The following MACROD2 variants were observed in gnomAD, a reference collection of about 807,000 sequenced individuals.
The protein encoded by MACROD2 is ADP-ribose glycohydrolase MACROD2.
In MACROD2, 36 loss-of-function variants were observed where a neutral mutation model predicts 70.4. The ratio of observed to expected loss-of-function variants is 0.51; its 90% CI spans 0.39 to 0.68. MACROD2 has a LOEUF of 0.68. MACROD2 is among the 30% of genes least tolerant of loss of function. The pLI is 0.00. For synonymous variants in MACROD2, 172 were observed against 178.8 expected (o/e 0.96, Z 0.30); for missense variants, 496 against 538.4 (o/e 0.92, Z 0.78).
chr20:15,312,550 A>T (rs2077764475), intron 6 of MACROD2, among the ~76,000 whole-genome samples: 1 of 152,194 alleles, frequency 6.6e-6, no homozygotes, highest in Admixed American at 6.5e-5. Context: ...GTGTCCTATA[A>T]TAGAATTGTT....
chr20:14,155,359 G>C (rs919372059), intron 3 of MACROD2, among the ~76,000 whole-genome samples: 5 of 151,994 alleles, frequency 3.3e-5, no homozygotes, highest in African/African-American at 1.2e-4. Context: ...TTTATAAGTC[G>C]TATCTTTTCA....
chr20:15,759,481 A>T (rs1193641836), intron 8 of MACROD2, among the ~76,000 whole-genome samples: 1 of 152,180 alleles, frequency 6.6e-6, no homozygotes, highest in African/African-American at 2.4e-5. Flanking sequence ...TGTTTAATTG[A>T]GTTGCTGTGA....
At chr20:14,811,120 A>G (rs990511233) in intron 5 of MACROD2, among the ~76,000 whole-genome samples, 8 of 152,048 alleles carry the variant, frequency 5.3e-5, no homozygotes, top group Non-Finnish European at 1.2e-4. Flanking sequence ...AAAAGAGCCC[A>G]TATAGCCAAG....
chr20:14,684,648 A>ACCACCCCCCCCCCCCCCCC (rs2070977501), intron 4 of MACROD2, among the ~76,000 whole-genome samples, 195 bp from the exon 5 acceptor site: 1 of 134,846 alleles, frequency 7.4e-6, no homozygotes, highest in Non-Finnish European at 1.7e-5. Flanking sequence ...ACATAACCTC[A>ACCACCCCCCCCCCCCCCCC]CCCCCCCCCC....
chr20:15,497,667 C>T (rs1297435645), intron 7 of MACROD2, among the ~76,000 whole-genome samples: 1 of 152,138 alleles, frequency 6.6e-6, no homozygotes, highest in Non-Finnish European at 1.5e-5. Context: ...TAACCTTTCC[C>T]ATTGATTCCT....
intron 3 of MACROD2, among the ~76,000 whole-genome samples, chr20:14,409,597 A>G (rs1302178640): frequency 6.6e-6 from 1 of 152,044 alleles, no homozygotes; most frequent in Non-Finnish European, 1.5e-5. Context: ...GTTGCCTTGT[A>G]TATCATACCA....
At chr20:15,586,001 C>T (rs1309615993) in intron 8 of MACROD2, among the ~76,000 whole-genome samples, 3 of 152,104 alleles carry the variant, frequency 2.0e-5, no homozygotes, top group Non-Finnish European at 4.4e-5. Flanking sequence ...TGGGGAAGGA[C>T]AAAGTTTGTA....
At chr20:14,730,821 A>G (rs2071586792) in intron 5 of MACROD2, among the ~76,000 whole-genome samples, 1 of 152,180 alleles carries the variant, frequency 6.6e-6, no homozygotes, top group Admixed American at 6.5e-5. Flanking sequence ...TAAGCTGAGA[A>G]AAGGGAGATC....
intron 5 of MACROD2, among the ~76,000 whole-genome samples, chr20:15,194,964 C>T (rs945966855): frequency 6.6e-6 from 1 of 151,906 alleles, no homozygotes; most frequent in African/African-American, 2.4e-5. Context: ...ATTAAAGAAT[C>T]GTTTTCTAAG....
At chr20:14,607,197 G>A (rs1479300947) in intron 4 of MACROD2, among the ~76,000 whole-genome samples, 1 of 152,128 alleles carries the variant, frequency 6.6e-6, no homozygotes, top group South Asian at 2.1e-4. Context: ...AGAGTCAATA[G>A]GGGTTCTAAC....
At chr20:14,286,818 T>C (rs574953368) in intron 3 of MACROD2, among the ~76,000 whole-genome samples, 15 of 152,280 alleles carry the variant, frequency 9.9e-5, no homozygotes, top group African/African-American at 3.4e-4. Context: ...AATTTCCTCC[T>C]GATATTCTTG....
intron 5 of MACROD2, among the ~76,000 whole-genome samples, chr20:14,955,131 T>TTTATAAATAAA (rs2074521711): frequency 1.6e-5 from 1 of 63,638 alleles, no homozygotes; most frequent in Admixed American, 1.7e-4. Flanking sequence ...TTATATATTA[T>TTTATAAATAAA]AATTTATAAA....
At chr20:14,338,040 G>A (rs1366649753) in intron 3 of MACROD2, among the ~76,000 whole-genome samples, 2 of 152,110 alleles carry the variant, frequency 1.3e-5, no homozygotes, top group Admixed American at 1.3e-4. Context: ...TTATAATTGT[G>A]GAAGATGTAT....
intron 4 of MACROD2, among the ~76,000 whole-genome samples, chr20:14,509,699 A>AT (rs772464844): frequency 2.0e-4 from 30 of 151,964 alleles, no homozygotes; most frequent in Non-Finnish European, 2.2e-4. Flanking sequence ...AAATGAGTTA[A>AT]TACAAGTTAA....
intron 8 of MACROD2, among the ~76,000 whole-genome samples, chr20:15,719,201 T>G (rs1195479238): frequency 6.6e-6 from 1 of 152,236 alleles, no homozygotes; most frequent in African/African-American, 2.4e-5. Context: ...TGATGATTTC[T>G]TAAGAAATAA....
intron 5 of MACROD2, among the ~76,000 whole-genome samples, chr20:14,812,728 A>C (rs2072729776): frequency 1.3e-5 from 2 of 151,988 alleles, no homozygotes; most frequent in South Asian, 2.1e-4. Flanking sequence ...AACACTTCTC[A>C]CACCAGATGT....
intron 1 of MACROD2, among the ~76,000 whole-genome samples, chr20:13,999,509 A>G (rs1010601855): frequency 1.3e-5 from 2 of 152,200 alleles, no homozygotes; most frequent in African/African-American, 4.8e-5. Context: ...CAACAACCCT[A>G]TGAGGTAGGA....
chr20:14,954,721 T>TATATAAATTATAAA (rs1568895118), intron 5 of MACROD2, among the ~76,000 whole-genome samples: 6 of 792 alleles, frequency 7.6e-3, no homozygotes, highest in African/African-American at 0.019. Context: ...AATATATAAA[T>TATATAAATTATAAA]GTATAAATAT....
rs576300502 is a variant in MACROD2 at position 14,278,009 on chromosome 20, C to T, written c.271+192281C>T. Among the ~76,000 whole-genome samples, 4 of 152,190 alleles carry T rather than the reference C, an allele frequency of 2.6e-5. No individual in the cohort carries two copies. In the East Asian group the frequency reaches 7.7e-4, roughly 29 times the overall value. ...AGAAGAATCTGGATACTTAGTTTGC[C>T]TGAGGGAACAAATATTTGGAAAGGG... On this transcript the variant is annotated intron_variant, in intron 3 of 17. Coordinates refer to ENST00000684519, the MANE Select transcript of MACROD2 (RefSeq NM_001351661.2).
Sources: allele counts gnomAD v4.1 joint callset (sites outside exome capture counted in the v4.1 genomes callset), GRCh38; gene constraint gnomAD v4.1.1; transcripts MANE v1.5; gene names NCBI Gene and HGNC (gene_info 2026-07-23, HGNC 2026-07-21).